Variants in CAGE1 observed in about 807,000 individuals in gnomAD.
CAGE1 encodes cancer antigen 1.
A neutral mutation model predicts 94.9 loss-of-function variants in CAGE1; 66 were observed. The observed-to-expected ratio is 0.70, with a 90% CI of 0.57 to 0.85. The LOEUF (loss-of-function observed/expected upper bound fraction) is 0.85. Among genes scored for constraint, CAGE1 ranks in the 40% least tolerant of loss-of-function variants. The pLI is 0.00. For missense variants in CAGE1, 865 were observed against 950.4 expected (o/e 0.91, Z 1.18); for synonymous variants, 319 against 321.0 (o/e 0.99, Z 0.07).
In CAGE1 at chr6:7,333,601, GTT is replaced by G. The variant is rs5874091; in HGVS notation, c.2438+419_2438+420del. 3.4e-3 allele frequency among the ~76,000 whole-genome samples: 482 copies of G among 142,098 alleles called. 1 individual carries two copies. The highest frequency in any genetic ancestry group is 6.6e-3 in the African/African-American group (262 of 39,546). 93.2% of individuals were successfully genotyped at this position (142,098 alleles called of 152,430 possible). A position where few individuals can be genotyped will look rare whatever the true frequency, so the allele number is the denominator to read the frequency against. ...ACCTTAAATTGAGATAAGGAAAAGA[GTT>G]TTTTTTTTTAAGTATTATCTAACTA... is the stretch of plus-strand genomic sequence containing the variant. On this transcript the variant is annotated intron_variant, in intron 12 of 13. Coordinates refer to ENST00000502583, the MANE Select transcript of CAGE1 (RefSeq NM_001170692.2).
intron 12 of CAGE1, among the ~76,000 whole-genome samples, chr6:7,333,600 AG>A (rs1204051484): frequency 9.2e-4 from 84 of 91,734 alleles, no homozygotes; most frequent in African/African-American, 6.3e-3. Flanking sequence ...TAAGGAAAAG[AG>A]TTTTTTTTTT....
At chr6:7,368,873 G>A in intron 6 of CAGE1, 75 bp from the exon 7 acceptor site, 1 of 797,156 alleles carries the variant, frequency 1.3e-6, no homozygotes, top group Non-Finnish European at 2.0e-6. Flanking sequence ...CTATGCATAT[G>A]AAACAAAAAC....
chr6:7,329,291 G>T, intron 13 of CAGE1: 1 of 376,652 alleles, frequency 2.7e-6, no homozygotes, highest in East Asian at 3.8e-5. Flanking sequence ...AAAAAAAATC[G>T]CTTGCTTAGA....
Position 7,352,299 on chromosome 6 carries a change from A to AC in CAGE1, c.2369+2741_2369+2742insG. On this transcript the variant is annotated intron_variant, in intron 11 of 13. Transcript: ENST00000502583. ...CTTTTTACAATAGCTGCAAAAAAAA[A>AC]AAAAAACAAAAAAAAACAAAAAAAA... Among the ~76,000 whole-genome samples, 3 of 119,846 alleles carry AC rather than the reference A, an allele frequency of 2.5e-5. No individual in the cohort carries two copies. In the Admixed American group the frequency reaches 2.7e-4, roughly 11 times the overall value. 78.6% of individuals were successfully genotyped at this position (119,846 alleles called of 152,430 possible).
intron 12 of CAGE1, among the ~76,000 whole-genome samples, chr6:7,330,639 G>A (rs1758711428): frequency 6.6e-6 from 1 of 152,186 alleles, no homozygotes; most frequent in South Asian, 2.1e-4. Context: ...AGGCTGCAGA[G>A]TAAGCTGAAG....
In CAGE1 at chr6:7,339,120, A is replaced by C; in HGVS notation, c.2370-5030T>G. The stretch of plus-strand genomic sequence containing the variant: ...GATCATCAGGCCGTCCACAAACTTC[A>C]TGGATTTAGCTCTCTGTCCTCAGAG... On this transcript the variant is annotated intron_variant, in intron 11 of 13. Coordinates refer to ENST00000502583, the MANE Select transcript of CAGE1 (RefSeq NM_001170692.2). This position sits in a 1 kb window ranked among gnomAD's most constrained non-coding sequence, Gnocchi z 4.7. 6.3e-7 allele frequency: 1 copy of C among 1,574,982 alleles called. No individual in the cohort carries two copies. Among genetic ancestry groups the C allele is most frequent in the South Asian group, 1.1e-5 (1 of 90,228 alleles).
intron 7 of CAGE1, among the ~76,000 whole-genome samples, 151 bp from the exon 8 acceptor site, chr6:7,366,035 C>T (rs1161675633): frequency 1.3e-5 from 2 of 152,038 alleles, no homozygotes; most frequent in African/African-American, 4.8e-5. Flanking sequence ...CACCTCAGGT[C>T]AGGAGTTCAA....
chr6:7,376,438 T>G (rs1220989147), intron 4 of CAGE1, among the ~76,000 whole-genome samples: 1 of 144,608 alleles, frequency 6.9e-6, no homozygotes, highest in Non-Finnish European at 1.5e-5. Flanking sequence ...ATAAATAAAA[T>G]AAAAGTTAGT....
chr6:7,375,619 G>A (rs1159081210), intron 4 of CAGE1, among the ~76,000 whole-genome samples: 1 of 152,146 alleles, frequency 6.6e-6, no homozygotes, highest in Non-Finnish European at 1.5e-5. Context: ...GCATGTGCCT[G>A]TAGTCCTAGC....
At chr6:7,382,484 T>C (rs1760972417) in intron 3 of CAGE1, among the ~76,000 whole-genome samples, 1 of 151,510 alleles carries the variant, frequency 6.6e-6, no homozygotes, top group Admixed American at 6.6e-5. Context: ...GTATTTTTAG[T>C]AGAGGCGGGG....
rs1304574226 is a variant in CAGE1 at position 7,373,391 on chromosome 6, T to G, written c.1428A>C (p.Glu476Asp). 6.2e-7 allele frequency: 1 copy of G among 1,613,856 alleles called. No homozygotes were observed. ...AGAACTCTTGTTCTTGGGCCTCTTT[T>G]TCCCGTTTCAACAAGTCCAAAGCAG... ...TASALDLLKR[E>D]KEAQEQEFLS... Residue 476 changes from glutamate (E) to aspartate (D), a missense_variant, in exon 5 of 14, where the codon GAA becomes GAC. Physicochemically the swap from Glu to Asp is conservative, Grantham distance 45. Transcript: ENST00000502583.
intron 13 of CAGE1, among the ~76,000 whole-genome samples, chr6:7,328,916 G>A (rs201538288): frequency 0.026 from 877 of 33,752 alleles, 4 homozygotes; most frequent in Non-Finnish European, 0.041. Context: ...GTGTGTGTGT[G>A]TGTATATATA....
chr6:7,375,853 T>G (rs1369818949), intron 4 of CAGE1, among the ~76,000 whole-genome samples: 1 of 152,234 alleles, frequency 6.6e-6, no homozygotes, highest in Non-Finnish European at 1.5e-5. Flanking sequence ...TGTATCTTAA[T>G]GGTTTTTCAT....
At chr6:7,345,428 T>G (rs1440212267) in intron 11 of CAGE1, among the ~76,000 whole-genome samples, 1 of 152,062 alleles carries the variant, frequency 6.6e-6, no homozygotes, top group Admixed American at 6.6e-5. Flanking sequence ...ACTGCAGGGG[T>G]CTGTGGTTTC....
intron 11 of CAGE1, among the ~76,000 whole-genome samples, chr6:7,345,481 T>C (rs1276367093): frequency 6.6e-6 from 1 of 152,164 alleles, no homozygotes; most frequent in Non-Finnish European, 1.5e-5. Flanking sequence ...AGACACAAAA[T>C]GGCATACTCA....
intron 11 of CAGE1, among the ~76,000 whole-genome samples, chr6:7,344,083 C>T (rs1041318431): frequency 2.0e-5 from 3 of 152,244 alleles, no homozygotes; most frequent in African/African-American, 4.8e-5. Context: ...CGCTCGCTCT[C>T]GGCACCTCCT....
chr6:7,347,199 A>G (rs1391350499), intron 11 of CAGE1, among the ~76,000 whole-genome samples: 1 of 152,144 alleles, frequency 6.6e-6, no homozygotes, highest in African/African-American at 2.4e-5. Flanking sequence ...GAATCCTGAC[A>G]GGACCCACAG....
At chr6:7,343,198 A>AAAAAAAAAAAAAGAAAAGAAAAG (rs574460085) in intron 11 of CAGE1, among the ~76,000 whole-genome samples, 1 of 137,320 alleles carries the variant, frequency 7.3e-6, no homozygotes, top group Non-Finnish European at 1.5e-5. Flanking sequence ...CACAAAAAAA[A>AAAAAAAAAAAAAGAAAAGAAAAG]AAAAGAAAAG....
At chr6:7,358,239 T>C (rs1378681125) in intron 9 of CAGE1, among the ~76,000 whole-genome samples, 1 of 151,478 alleles carries the variant, frequency 6.6e-6, no homozygotes, top group Non-Finnish European at 1.5e-5. Flanking sequence ...TCTGTCATCA[T>C]AGATTACTTT....
Sources: gnomAD v4.1 joint callset for allele counts (sites outside exome capture counted in the v4.1 genomes callset) on GRCh38, gnomAD v4.1.1 for gene constraint, Gnocchi (gnomAD v3.1) non-coding constraint, MANE v1.5 for transcripts, NCBI Gene and HGNC (gene_info 2026-07-23, HGNC 2026-07-21) for gene names.